Variants in PTGER3 observed in about 807,000 individuals in gnomAD.
The protein encoded by PTGER3 is prostaglandin E2 receptor EP3 subtype.
A neutral mutation model predicts 34.7 loss-of-function variants in PTGER3; 22 were observed. The ratio of observed to expected loss-of-function variants is 0.63; its 90% CI spans 0.45 to 0.91. The LOEUF (loss-of-function observed/expected upper bound fraction) is 0.91. PTGER3 is among the 40% of genes least tolerant of loss of function. PTGER3 has a pLI of 0.00. For missense variants in PTGER3, 468 were observed against 519.4 expected, an observed-to-expected ratio of 0.90 and a Z score of 0.96; for synonymous variants, 241 against 230.1, an observed-to-expected ratio of 1.05 and a Z score of -0.43.
chr1:70,989,286 A>G (rs1487765337), intron 2 of PTGER3, among the ~76,000 whole-genome samples: 1 of 152,182 alleles, frequency 6.6e-6, no homozygotes, highest in East Asian at 1.9e-4. Flanking sequence ...TTTTCTACGC[A>G]GGGAAGTTGG....
At chr1:71,027,969 T>C (rs1365916902) in intron 1 of PTGER3, among the ~76,000 whole-genome samples, 2 of 152,180 alleles carry the variant, frequency 1.3e-5, no homozygotes, top group Non-Finnish European at 2.9e-5. Context: ...TACTATGCTG[T>C]ATAGATGAAA....
At chr1:71,016,151 T>C (rs1657873563) in intron 1 of PTGER3, among the ~76,000 whole-genome samples, 1 of 152,190 alleles carries the variant, frequency 6.6e-6, no homozygotes, top group South Asian at 2.1e-4. Flanking sequence ...TAGGCTGATC[T>C]CAAACTTCTG....
At chr1:71,010,038 T>G (rs1408403983) in intron 2 of PTGER3, 1 of 984,978 alleles carries the variant, frequency 1.0e-6, no homozygotes, top group Non-Finnish European at 1.2e-6. Flanking sequence ...CCTTTCAAGC[T>G]TGTTAAAAAA....
At chr1:70,868,326 T>A (rs1346298660) in intron 4 of PTGER3, among the ~76,000 whole-genome samples, 1 of 152,206 alleles carries the variant, frequency 6.6e-6, no homozygotes, top group East Asian at 1.9e-4. Flanking sequence ...CTACTTATAG[T>A]TATAAATCAC....
chr1:71,017,044 C>T (rs560378576), intron 1 of PTGER3, among the ~76,000 whole-genome samples: 11 of 152,206 alleles, frequency 7.2e-5, no homozygotes, highest in Non-Finnish European at 1.3e-4. Flanking sequence ...CTGCCACACA[C>T]AAAGATATCC....
intron 4 of PTGER3, among the ~76,000 whole-genome samples, chr1:70,858,156 A>G (rs1645850197): frequency 6.6e-6 from 1 of 150,630 alleles, no homozygotes; most frequent in Admixed American, 6.6e-5. Context: ...GGGATGATAG[A>G]GGCAATGATC....
chr1:70,880,535 A>C (rs1469418880), intron 4 of PTGER3, among the ~76,000 whole-genome samples: 1 of 151,498 alleles, frequency 6.6e-6, no homozygotes, highest in African/African-American at 2.4e-5. Context: ...ACTAAAAATA[A>C]AAAAATTAGC....
At chr1:70,981,619 G>C (rs1364155712) in intron 2 of PTGER3, among the ~76,000 whole-genome samples, 2 of 151,696 alleles carry the variant, frequency 1.3e-5, no homozygotes, top group Non-Finnish European at 2.9e-5. Context: ...ATGTTGTTTA[G>C]GCTGGTCTCT....
At chr1:70,984,896 A>G (rs1405851245) in intron 2 of PTGER3, among the ~76,000 whole-genome samples, 1 of 152,234 alleles carries the variant, frequency 6.6e-6, no homozygotes, top group East Asian at 1.9e-4. Flanking sequence ...GTGAAACAAC[A>G]AAAATGTACT....
intron 4 of PTGER3, among the ~76,000 whole-genome samples, chr1:70,920,241 G>T (rs1490681118): frequency 6.6e-6 from 1 of 152,156 alleles, no homozygotes; most frequent in Non-Finnish European, 1.5e-5. Context: ...GAAACTTGAG[G>T]TTGGAGATTC....
chr1:70,960,683 A>G (rs1048909319), intron 2 of PTGER3, among the ~76,000 whole-genome samples: 1 of 152,162 alleles, frequency 6.6e-6, no homozygotes, highest in African/African-American at 2.4e-5. Flanking sequence ...CTTGCTATCA[A>G]GCAGAAAGGG....
chr1:71,011,980 T>C, intron 2 of PTGER3: 1 of 1,347,708 alleles, frequency 7.4e-7, no homozygotes, highest in Non-Finnish European at 9.5e-7. Flanking sequence ...CATATTCAGC[T>C]ACGAATGGCA....
In PTGER3 at chr1:70,883,579, G is replaced by A. The variant is rs577953861; in HGVS notation, c.*24-30720C>T. Reference sequence around the variant, plus strand: ...GTAAGATTTTAATCTGAAATTACAAGCCTAAAGCAATTACTCACCCATTTT... The same window carrying A: ...GTAAGATTTTAATCTGAAATTACAAACCTAAAGCAATTACTCACCCATTTT... On this transcript the variant is annotated intron_variant, in intron 4 of 4. Coordinates refer to the PTGER3 transcript ENST00000370931. Among the ~76,000 whole-genome samples, 5 of 152,192 alleles carry A rather than the reference G, an allele frequency of 3.3e-5. No individual in the cohort carries two copies. In the East Asian group the frequency reaches 5.8e-4, roughly 18 times the overall value.
At chr1:70,893,464 A>C (rs2100290501) in intron 4 of PTGER3, among the ~76,000 whole-genome samples, 1 of 152,242 alleles carries the variant, frequency 6.6e-6, no homozygotes, top group South Asian at 2.1e-4. Flanking sequence ...TTTTTTCTGC[A>C]TGTCTTTCCT....
intron 4 of PTGER3, among the ~76,000 whole-genome samples, chr1:70,896,717 AG>A (rs1384098863): frequency 6.6e-6 from 1 of 152,166 alleles, no homozygotes; most frequent in Non-Finnish European, 1.5e-5. Flanking sequence ...GGTGGCTGCA[AG>A]GTCCCATCCA....
intron 1 of PTGER3, among the ~76,000 whole-genome samples, chr1:71,042,204 C>A (rs1404265810): frequency 6.6e-6 from 1 of 150,720 alleles, no homozygotes; most frequent in Non-Finnish European, 1.5e-5. Flanking sequence ...GACTAACCAT[C>A]TAAATTTGTT....
At chr1:71,006,792 T>C in intron 2 of PTGER3, 4 of 985,452 alleles carry the variant, frequency 4.1e-6, no homozygotes, top group African/African-American at 1.7e-5. Context: ...TTCAGCAAAA[T>C]ACTTAACATA....
intron 4 of PTGER3, among the ~76,000 whole-genome samples, chr1:70,853,750 G>A (rs1645735445): frequency 6.6e-6 from 1 of 152,100 alleles, no homozygotes; most frequent in Non-Finnish European, 1.5e-5. Flanking sequence ...TAATCTAAAC[G>A]GTGTGGTACT....
intron 2 of PTGER3, among the ~76,000 whole-genome samples, chr1:71,005,454 T>C (rs12405786): frequency 0.18 from 27,608 of 152,164 alleles, 3,068 homozygotes; most frequent in East Asian, 0.44. Flanking sequence ...ATACCTCCCA[T>C]GTTAGCATCA....
Sources: gnomAD v4.1 joint callset for allele counts (sites outside exome capture counted in the v4.1 genomes callset) on GRCh38, gnomAD v4.1.1 for gene constraint, MANE v1.5 for transcripts, NCBI Gene and HGNC (gene_info 2026-07-23, HGNC 2026-07-21) for gene names.